Variants in IQCK observed in about 807,000 individuals in gnomAD.
IQCK encodes IQ motif containing K.
A neutral mutation model predicts 28.1 loss-of-function variants in IQCK; 29 were observed. The observed-to-expected ratio is 1.03, with a 90% CI of 0.77 to 1.41. The LOEUF (loss-of-function observed/expected upper bound fraction) is 1.41, where lower values mean the gene tolerates loss of function less well. Ranked by LOEUF, IQCK falls within the 40% of genes most tolerant of loss-of-function variation. The probability of loss-of-function intolerance (pLI) is 0.00; values close to 1 mark genes in which losing one functional copy is unlikely to be tolerated. For missense variants in IQCK, 359 were observed against 314.7 expected (o/e 1.14, Z -1.07); for synonymous variants, 113 against 115.1 (o/e 0.98, Z 0.12).
intron 7 of IQCK, among the ~76,000 whole-genome samples, chr16:19,808,842 C>G (rs987773184): frequency 1.3e-5 from 2 of 152,186 alleles, no homozygotes; most frequent in South Asian, 4.1e-4. Context: ...TAGCACCAGC[C>G]AAATCTCCAA....
chr16:19,849,261 GT>G (rs71146276), intron 9 of IQCK, among the ~76,000 whole-genome samples: 126 of 142,162 alleles, frequency 8.9e-4, no homozygotes, highest in Middle Eastern at 3.6e-3. Flanking sequence ...CTATGTTCAG[GT>G]TTTTTTTTTT....
rs2055237702 is a variant in IQCK, at chr16:19,766,363, CA to C, written c.605+2252del. 3.3e-5 allele frequency among the ~76,000 whole-genome samples: 5 copies of C among 152,342 alleles called. No homozygotes were observed. In the South Asian group the frequency reaches 1.0e-3, roughly 32 times the overall value. ...AAAGCATTAAAGGGAAGTGGGGAAG[CA>C]TGAGACCATCCACGTGCCCTTCCTG... On this transcript the variant is annotated intron_variant, in intron 6 of 7. Transcript: ENST00000564186.
intron 7 of IQCK, among the ~76,000 whole-genome samples, chr16:19,818,874 C>A (rs527505177): frequency 6.6e-6 from 1 of 152,170 alleles, no homozygotes; most frequent in Admixed American, 6.5e-5. Flanking sequence ...GTAATAGGAA[C>A]GACTTTATTT....
rs570412494 is a variant in IQCK at position 19,753,330 on chromosome 16, G to A, written c.475-10518G>A. On this transcript the variant is annotated intron_variant, in intron 4 of 7. Transcript: ENST00000564186. ...AGTCCTAGCTACTCAGGAAGCTGAGGCAGGAAGATCCCTTGAGCCTAGGAA... is the reference window on the plus strand; with the variant it reads ...AGTCCTAGCTACTCAGGAAGCTGAGACAGGAAGATCCCTTGAGCCTAGGAA... Among the ~76,000 whole-genome samples, 7 of 152,210 alleles carry A rather than the reference G, an allele frequency of 4.6e-5. No individual in the cohort carries two copies. The East Asian group carries it at 1.4e-3, about 29-fold the overall frequency.
intron 2 of IQCK, among the ~76,000 whole-genome samples, chr16:19,731,253 C>T (rs1350597709): frequency 6.6e-6 from 1 of 152,130 alleles, no homozygotes; most frequent in Non-Finnish European, 1.5e-5. Flanking sequence ...AAGAGAGGCC[C>T]TCGTGAAGTC....
At chr16:19,746,307 T>TC (rs750063698) in intron 4 of IQCK, among the ~76,000 whole-genome samples, 6 of 151,560 alleles carry the variant, frequency 4.0e-5, no homozygotes, top group Non-Finnish European at 7.4e-5. Context: ...GGGGTTTCCA[T>TC]CCCCTAAGTA....
At chr16:19,745,860 TC>T (rs2054903876) in intron 4 of IQCK, among the ~76,000 whole-genome samples, 1 of 152,132 alleles carries the variant, frequency 6.6e-6, no homozygotes, top group African/African-American at 2.4e-5. Flanking sequence ...CTGGGGCACT[TC>T]GGTTCTCCTT....
intron 3 of IQCK, among the ~76,000 whole-genome samples, chr16:19,734,780 CAAA>C (rs1358666397): frequency 3.1e-5 from 2 of 64,802 alleles, no homozygotes; most frequent in African/African-American, 5.3e-5. Flanking sequence ...GACTCTGTCT[CAAA>C]AAAAAAAAAA....
rs376359131 is a variant in IQCK, at chr16:19,827,077, C to T, written c.742C>T (p.Arg248Cys). 47 of 1,613,982 alleles carry T rather than the reference C, an allele frequency of 2.9e-5. No homozygotes were observed. Among genetic ancestry groups the T allele is most frequent in the Middle Eastern group, 3.3e-4 (2 of 6,082 alleles). The change falls in exon 8 of 8, where the codon CGC becomes TGC. Residue 248 changes from arginine to cysteine, a missense_variant. By Grantham distance (180) the Arg-to-Cys change is radical. Coordinates refer to ENST00000564186, the Ensembl canonical transcript of IQCK. Reference sequence around the variant, plus strand: ...ACTGCGTCAGTGGCAGAAGAAACTTCGCGAGGCCAAGCACATTCACCAGCA... The same window carrying T: ...ACTGCGTCAGTGGCAGAAGAAACTTTGCGAGGCCAAGCACATTCACCAGCA...
chr16:19,723,053 C>T (rs1977545389), intron 1 of IQCK, among the ~76,000 whole-genome samples: 1 of 152,046 alleles, frequency 6.6e-6, no homozygotes, highest in Non-Finnish European at 1.5e-5. Context: ...TCTCATTTGC[C>T]AGTCCTTATA....
intron 4 of IQCK, chr16:19,761,222 C>G (rs1172543313): frequency 5.7e-6 from 2 of 353,516 alleles, no homozygotes; most frequent in Non-Finnish European, 5.6e-6. Context: ...TCACGTGCCT[C>G]TGACATTTCC....
At chr16:19,780,913 G>T (rs2055473352) in intron 6 of IQCK, among the ~76,000 whole-genome samples, 1 of 152,096 alleles carries the variant, frequency 6.6e-6, no homozygotes, top group Admixed American at 6.6e-5. Context: ...AATATAATTG[G>T]TTTGCTGTAA....
At chr16:19,808,194 ACTTCTC>A (rs2055857272) in intron 7 of IQCK, among the ~76,000 whole-genome samples, 1 of 151,996 alleles carries the variant, frequency 6.6e-6, no homozygotes, top group African/African-American at 2.4e-5. Flanking sequence ...TTCGGGCCTG[ACTTCTC>A]AGGTCAGGCC....
At chr16:19,744,399 G>A (rs958984560) in intron 4 of IQCK, among the ~76,000 whole-genome samples, 2 of 152,104 alleles carry the variant, frequency 1.3e-5, no homozygotes, top group South Asian at 4.1e-4. Context: ...CCAAAGTCCT[G>A]GGATTACAGG....
At chr16:19,748,978 A>G (rs2054950413) in intron 4 of IQCK, among the ~76,000 whole-genome samples, 1 of 152,178 alleles carries the variant, frequency 6.6e-6, no homozygotes, top group Non-Finnish European at 1.5e-5. Flanking sequence ...GAAGGAAGCC[A>G]TTTTTTAAAG....
intron 6 of IQCK, among the ~76,000 whole-genome samples, chr16:19,765,239 A>AAG (rs1438856287): frequency 6.7e-6 from 1 of 149,594 alleles, no homozygotes; most frequent in Non-Finnish European, 1.5e-5. Flanking sequence ...AAAAAAAAAA[A>AAG]AAATCAGTTT....
intron 6 of IQCK, among the ~76,000 whole-genome samples, chr16:19,775,180 T>C (rs2055373156): frequency 6.6e-6 from 1 of 150,584 alleles, no homozygotes; most frequent in African/African-American, 2.5e-5. Flanking sequence ...TGAGCCGAGA[T>C]TGCGCCACTG....
chr16:19,852,377 G>A lies in IQCK; in HGVS notation c.803-4110G>A, dbSNP rs542243877. Among the ~76,000 whole-genome samples the A allele has an allele frequency of 1.6e-3, 240 of 151,854 alleles. 2 individuals are homozygous for A. Among genetic ancestry groups the A allele is most frequent in the Admixed American group, 3.6e-3 (55 of 15,234 alleles). ...GATCGCACCACTGCACTCCAGCCTG[G>A]GCAACAAAGCGAGACCTCTCTACAA... On this transcript the variant is annotated intron_variant, in intron 9 of 9. Coordinates refer to the IQCK transcript ENST00000320394.
intron 9 of IQCK, among the ~76,000 whole-genome samples, chr16:19,836,141 A>G (rs955672562): frequency 1.1e-4 from 16 of 152,256 alleles, no homozygotes; most frequent in South Asian, 2.1e-4. Context: ...TGATAGGACC[A>G]TGGCTCCTTC....
Sources: allele counts gnomAD v4.1 joint callset (sites outside exome capture counted in the v4.1 genomes callset), GRCh38; gene constraint gnomAD v4.1.1; transcripts MANE v1.5; gene names NCBI Gene and HGNC (gene_info 2026-07-23, HGNC 2026-07-21).